Variants in HS6ST3 observed in about 807,000 individuals in gnomAD.
HS6ST3 encodes the protein heparan sulfate 6-O-sulfotransferase 3.
Under a neutral mutation model 36.7 loss-of-function variants are expected in HS6ST3, and 12 were observed. The observed-to-expected ratio is 0.33, with a 90% CI of 0.21 to 0.53. The LOEUF (loss-of-function observed/expected upper bound fraction) is 0.53, where lower values mean the gene tolerates loss of function less well. HS6ST3 is among the 20% of genes least tolerant of loss of function. The pLI, the probability that HS6ST3 is intolerant of heterozygous loss-of-function variation, is 0.95. For synonymous variants in HS6ST3, 240 were observed against 257.5 expected (o/e 0.93, Z 0.65); for missense variants, 584 against 640.9 (o/e 0.91, Z 0.96).
At chr13:96,800,717 A>T (rs1878045276) in intron 1 of HS6ST3, among the ~76,000 whole-genome samples, 1 of 151,754 alleles carries the variant, frequency 6.6e-6, no homozygotes, top group African/African-American at 2.4e-5. Flanking sequence ...AGTCCCCGAG[A>T]TCCTACGAAT....
At chr13:96,781,398 C>T (rs1877523560) in intron 1 of HS6ST3, among the ~76,000 whole-genome samples, 1 of 152,202 alleles carries the variant, frequency 6.6e-6, no homozygotes, top group Non-Finnish European at 1.5e-5. Context: ...GAACAACCTG[C>T]CCAACTCTAC....
At chr13:96,704,009 G>A (rs1192876392) in intron 1 of HS6ST3, among the ~76,000 whole-genome samples, 4 of 152,104 alleles carry the variant, frequency 2.6e-5, no homozygotes, top group Non-Finnish European at 5.9e-5. Context: ...GGCCTCCCCA[G>A]CCATGTAGAA....
At chr13:96,608,048 A>C (rs982293785) in intron 1 of HS6ST3, among the ~76,000 whole-genome samples, 2 of 152,202 alleles carry the variant, frequency 1.3e-5, no homozygotes, top group Non-Finnish European at 2.9e-5. Context: ...TTTGAGCTTC[A>C]GTAATGATAA....
intron 1 of HS6ST3, among the ~76,000 whole-genome samples, chr13:96,278,585 G>A (rs953356496): frequency 2.6e-5 from 4 of 152,134 alleles, no homozygotes; most frequent in African/African-American, 9.7e-5. Context: ...GAGCAGTCTT[G>A]CACCATACTG....
At chr13:96,173,104 A>G (rs2054195880) in intron 1 of HS6ST3, among the ~76,000 whole-genome samples, 1 of 152,246 alleles carries the variant, frequency 6.6e-6, no homozygotes, top group African/African-American at 2.4e-5. Flanking sequence ...AGAAAAGAAT[A>G]GATATACAGA....
intron 1 of HS6ST3, among the ~76,000 whole-genome samples, chr13:96,530,591 C>T (rs1335604259): frequency 1.3e-5 from 2 of 151,730 alleles, no homozygotes; most frequent in East Asian, 1.9e-4. Context: ...CAGCCTGGAC[C>T]TCCTGGGCTC....
chr13:96,480,209 G>A (rs1291992507), intron 1 of HS6ST3, among the ~76,000 whole-genome samples: 1 of 152,134 alleles, frequency 6.6e-6, no homozygotes, highest in Non-Finnish European at 1.5e-5. Context: ...TGCCTTCTGG[G>A]TTCAAGCGAT....
chr13:96,223,616 C>T (rs536031954), intron 1 of HS6ST3, among the ~76,000 whole-genome samples: 54 of 151,462 alleles, frequency 3.6e-4, no homozygotes, highest in African/African-American at 1.3e-3. Flanking sequence ...TGTGGTGATA[C>T]AAAATAACCC....
intron 1 of HS6ST3, among the ~76,000 whole-genome samples, chr13:96,172,457 C>A (rs1386103504): frequency 6.6e-6 from 1 of 152,216 alleles, no homozygotes; most frequent in African/African-American, 2.4e-5. Flanking sequence ...AATGAATCCA[C>A]TTAGCATTGG....
chr13:96,652,011 TAG>T (rs2056609265), intron 1 of HS6ST3, among the ~76,000 whole-genome samples: 1 of 152,068 alleles, frequency 6.6e-6, no homozygotes, highest in African/African-American at 2.4e-5. Context: ...ACCTGATATA[TAG>T]TCTCAGGCAT....
At chr13:96,745,339 A>T (rs1876537121) in intron 1 of HS6ST3, among the ~76,000 whole-genome samples, 1 of 152,146 alleles carries the variant, frequency 6.6e-6, no homozygotes, top group South Asian at 2.1e-4. Context: ...AAGGCAAAAG[A>T]GAACAGATAA....
At chr13:96,432,051 G>A (rs2055618279) in intron 1 of HS6ST3, among the ~76,000 whole-genome samples, 1 of 152,054 alleles carries the variant, frequency 6.6e-6, no homozygotes, top group Admixed American at 6.6e-5. Flanking sequence ...ACCAGAAGTG[G>A]GTGTTATTCT....
At chr13:96,161,573 A>G (rs2054135917) in intron 1 of HS6ST3, among the ~76,000 whole-genome samples, 1 of 152,222 alleles carries the variant, frequency 6.6e-6, no homozygotes, top group Non-Finnish European at 1.5e-5. Flanking sequence ...TCTTTAGGTA[A>G]AAGAATAATA....
intron 1 of HS6ST3, among the ~76,000 whole-genome samples, chr13:96,644,288 G>T (rs1179460035): frequency 6.6e-6 from 1 of 151,958 alleles, no homozygotes; most frequent in Non-Finnish European, 1.5e-5. Context: ...CCAGTCTCAA[G>T]AAAAGGTTTG....
At chr13:96,356,012 G>A (rs1313973526) in intron 1 of HS6ST3, among the ~76,000 whole-genome samples, 2 of 152,152 alleles carry the variant, frequency 1.3e-5, no homozygotes, top group Non-Finnish European at 2.9e-5. Flanking sequence ...TCCATGAGAA[G>A]CAACTCCTTA....
Position 96,834,410 on chromosome 13 carries a change from T to C in HS6ST3, c.*1212T>C, listed in dbSNP as rs1566465061. 1 of 152,238 alleles carries C rather than the reference T, an allele frequency of 6.6e-6. No individual in the cohort carries two copies. Among genetic ancestry groups the C allele is most frequent in the Non-Finnish European group, 1.5e-5 (1 of 68,040 alleles). 9.4% of individuals were successfully genotyped at this position (152,238 alleles called of 1,614,324 possible). A position where few individuals can be genotyped will look rare whatever the true frequency, so the allele number is the denominator to read the frequency against. On this transcript the variant is annotated 3_prime_UTR_variant, in exon 2 of 2. Transcript: ENST00000376705. ...TTTCTTCCTACATGATCTTTACCTGTTGTTAGACTGTGGCCACAGCCAGTA... is the reference window on the plus strand; with the variant it reads ...TTTCTTCCTACATGATCTTTACCTGCTGTTAGACTGTGGCCACAGCCAGTA...
intron 1 of HS6ST3, among the ~76,000 whole-genome samples, chr13:96,152,826 C>T (rs2054093195): frequency 1.3e-5 from 2 of 152,146 alleles, no homozygotes; most frequent in South Asian, 2.1e-4. Context: ...ATTTGACTCT[C>T]TCCTTTTTAT....
chr13:96,447,088 C>T (rs957684926), intron 1 of HS6ST3, among the ~76,000 whole-genome samples: 11 of 152,246 alleles, frequency 7.2e-5, no homozygotes, highest in Non-Finnish European at 1.2e-4. Flanking sequence ...GTTCTGTTGA[C>T]TGGGATTTCC....
intron 1 of HS6ST3, among the ~76,000 whole-genome samples, chr13:96,613,466 C>T (rs1336463969): frequency 6.6e-6 from 1 of 152,176 alleles, no homozygotes; most frequent in Non-Finnish European, 1.5e-5. Flanking sequence ...TCGTTCACTG[C>T]TTCACTACTT....
Sources: allele counts gnomAD v4.1 joint callset (sites outside exome capture counted in the v4.1 genomes callset), GRCh38; gene constraint gnomAD v4.1.1; transcripts MANE v1.5; gene names NCBI Gene and HGNC (gene_info 2026-07-23, HGNC 2026-07-21).